Variants in SRL observed in about 807,000 individuals in gnomAD.
SRL encodes sarcalumenin.
Under a neutral mutation model 39.5 loss-of-function variants are expected in SRL, and 23 were observed. That is an observed-to-expected ratio of 0.58 (90% confidence interval 0.42 to 0.82). The LOEUF (loss-of-function observed/expected upper bound fraction) is 0.82. Ranked by LOEUF, SRL falls within the 40% of genes least tolerant of loss-of-function variation. The pLI, the probability that SRL is intolerant of heterozygous loss-of-function variation, is 0.00. For synonymous variants in SRL, 272 were observed against 237.4 expected (o/e 1.15, Z -1.34); for missense variants, 592 against 607.8 (o/e 0.97, Z 0.27).
At chr16:4,233,403 C>A (rs1001710123) in intron 1 of SRL, among the ~76,000 whole-genome samples, 1 of 152,156 alleles carries the variant, frequency 6.6e-6, no homozygotes, top group Non-Finnish European at 1.5e-5. Flanking sequence ...TGATGAAATA[C>A]GGGCAAATTA....
chr16:4,219,223 C>G (rs1425292767), intron 1 of SRL, among the ~76,000 whole-genome samples: 1 of 152,264 alleles, frequency 6.6e-6, no homozygotes, highest in Non-Finnish European at 1.5e-5. Context: ...GAACTAGAGA[C>G]AAGGTCTCCT....
At chr16:4,235,467 A>G (rs1433917359) in intron 1 of SRL, among the ~76,000 whole-genome samples, 1 of 152,244 alleles carries the variant, frequency 6.6e-6, no homozygotes. Flanking sequence ...AGACCAAGGC[A>G]GGAGAATCAC....
Position 4,238,438 on chromosome 16 carries a change from G to A in SRL, c.61+3569C>T, listed in dbSNP as rs1305501076. Reference sequence around the variant, plus strand: ...ATCAAACGGCCAGCTAGATGCTACCGGCCTCATCTGGACCTCCCTCTGGGG... The same window carrying A: ...ATCAAACGGCCAGCTAGATGCTACCAGCCTCATCTGGACCTCCCTCTGGGG... On this transcript the variant is annotated intron_variant, in intron 1 of 5. Coordinates refer to ENST00000399609, the MANE Select transcript of SRL (RefSeq NM_001098814.2). Among the ~76,000 whole-genome samples, 6 of 152,238 alleles carry A rather than the reference G, an allele frequency of 3.9e-5. No homozygotes were observed. In the East Asian group the frequency reaches 7.7e-4, roughly 20 times the overall value.
chr16:4,217,859 C>T (rs985102788), intron 1 of SRL, among the ~76,000 whole-genome samples: 4 of 152,318 alleles, frequency 2.6e-5, no homozygotes, highest in Admixed American at 1.3e-4. Context: ...TGGCCCTTCA[C>T]GCTGTTCCTT....
chr16:4,207,426 G>A (rs950181558), intron 1 of SRL: 5 of 456,624 alleles, frequency 1.1e-5, no homozygotes, highest in Admixed American at 4.7e-5. Context: ...TCCCCCAACA[G>A]CCGCGACGTC....
At chr16:4,210,520 C>T (rs1172485048) in intron 1 of SRL, among the ~76,000 whole-genome samples, 3 of 112,496 alleles carry the variant, frequency 2.7e-5, no homozygotes, top group African/African-American at 1.1e-4. Context: ...GACAAGGTCT[C>T]ACTCTGTCAC....
chr16:4,214,033 A>G (rs1235185223), intron 1 of SRL, among the ~76,000 whole-genome samples: 1 of 152,180 alleles, frequency 6.6e-6, no homozygotes, highest in Non-Finnish European at 1.5e-5. Flanking sequence ...GGCTGGGTCA[A>G]CGTGTACCTG....
intron 2 of SRL, 98 bp downstream of exon 2, chr16:4,204,435 C>T: frequency 1.8e-6 from 2 of 1,109,162 alleles, no homozygotes; most frequent in Non-Finnish European, 2.7e-6. Flanking sequence ...CAAGATACAG[C>T]CCCGGCACGC....
In SRL at chr16:4,202,485, C is replaced by T. The variant is rs547108961; in HGVS notation, c.259+681G>A. 3.3e-5 allele frequency among the ~76,000 whole-genome samples: 5 copies of T among 151,442 alleles called. No homozygotes were observed. The South Asian group carries it at 6.3e-4, about 19-fold the overall frequency. Reference sequence around the variant, plus strand: ...GCAGGTGCCTGTAGTCCCAGCTATTCGGGAGGCTGAGGCAGAAGAATGGCG... The same window carrying T: ...GCAGGTGCCTGTAGTCCCAGCTATTTGGGAGGCTGAGGCAGAAGAATGGCG... On this transcript the variant is annotated intron_variant, in intron 3 of 5. Transcript: ENST00000399609.
chr16:4,202,464 G>C (rs1231665860), intron 3 of SRL, among the ~76,000 whole-genome samples: 5 of 152,056 alleles, frequency 3.3e-5, no homozygotes, highest in Non-Finnish European at 5.9e-5. Context: ...GTGGTGGCAG[G>C]TGCCTGTAGT....
At chr16:4,197,088 A>C (rs1401616132) in intron 4 of SRL, among the ~76,000 whole-genome samples, 1 of 46,200 alleles carries the variant, frequency 2.2e-5, no homozygotes. Flanking sequence ...TTTTTTTGTG[A>C]GACAGAGTCT....
intron 1 of SRL, among the ~76,000 whole-genome samples, chr16:4,237,752 C>T (rs1339488583): frequency 1.3e-5 from 2 of 152,210 alleles, no homozygotes; most frequent in Non-Finnish European, 1.5e-5. Flanking sequence ...GTTCCCTCAA[C>T]TCAGAATTCC....
chr16:4,202,321 C>T (rs914652831), intron 3 of SRL, among the ~76,000 whole-genome samples: 14 of 152,196 alleles, frequency 9.2e-5, no homozygotes, highest in Admixed American at 5.9e-4. Flanking sequence ...CGGCTGGGAG[C>T]GGTGGCTCAC....
At chr16:4,217,477 T>C (rs1205411669) in intron 1 of SRL, among the ~76,000 whole-genome samples, 1 of 152,094 alleles carries the variant, frequency 6.6e-6, no homozygotes, top group Non-Finnish European at 1.5e-5. Flanking sequence ...GTCTCAAACT[T>C]CTGGGCTCAA....
chr16:4,217,873 C>A (rs1163485444), intron 1 of SRL, among the ~76,000 whole-genome samples: 1 of 152,178 alleles, frequency 6.6e-6, no homozygotes, highest in East Asian at 1.9e-4. Flanking sequence ...GTTCCTTTAG[C>A]CCTCCGGGTC....
chr16:4,190,521 C>A lies in SRL; in HGVS notation c.*1632G>T. The A allele has an allele frequency of 2.5e-6, 1 of 398,878 alleles. No individual in the cohort carries two copies. The highest frequency in any genetic ancestry group is 4.4e-6 in the Non-Finnish European group (1 of 226,298). 24.7% of individuals were successfully genotyped at this position (398,878 alleles called of 1,614,324 possible). ...TTCACCATCCAAAGGCTGCTTCTTC[C>A]CTGCAGGTCCTGCCCCTCTGCTCCC... is the stretch of plus-strand genomic sequence containing the variant. On this transcript the variant is annotated 3_prime_UTR_variant, in exon 6 of 6. Transcript: ENST00000399609.
chr16:4,233,350 G>A (rs2052678869), intron 1 of SRL, among the ~76,000 whole-genome samples: 1 of 152,192 alleles, frequency 6.6e-6, no homozygotes, highest in South Asian at 2.1e-4. Context: ...ATTAGACCTT[G>A]TTGACTGCCT....
intron 1 of SRL, among the ~76,000 whole-genome samples, chr16:4,229,151 A>G (rs558750189): frequency 1.4e-4 from 22 of 152,206 alleles, no homozygotes; most frequent in African/African-American, 5.3e-4. Context: ...CCAGCCATTA[A>G]AAAAAATCAT....
At chr16:4,211,663 C>T (rs1478567059) in intron 1 of SRL, among the ~76,000 whole-genome samples, 16 of 130,980 alleles carry the variant, frequency 1.2e-4, no homozygotes, top group Non-Finnish European at 2.3e-4. Context: ...TGGTGATGAC[C>T]GTGCCGATGA....
Sources: gnomAD v4.1 joint callset for allele counts (sites outside exome capture counted in the v4.1 genomes callset) on GRCh38, gnomAD v4.1.1 for gene constraint, MANE v1.5 for transcripts, NCBI Gene and HGNC (gene_info 2026-07-23, HGNC 2026-07-21) for gene names.